Variants in RBFOX1 observed in about 807,000 individuals in gnomAD.
RBFOX1 encodes RNA binding fox-1 homolog 1.
Under a neutral mutation model 57.7 loss-of-function variants are expected in RBFOX1, and 8 were observed. The observed-to-expected ratio is 0.14, with a 90% CI of 0.08 to 0.25. RBFOX1 has a LOEUF of 0.25. Ranked by LOEUF, RBFOX1 falls within the 10% of genes least tolerant of loss-of-function variation. RBFOX1 has a pLI of 1.00. For missense variants in RBFOX1, 611 were observed against 548.5 expected (o/e 1.11, Z -1.14); for synonymous variants, 326 against 222.4 (o/e 1.47, Z -4.15).
intron 3 of RBFOX1, among the ~76,000 whole-genome samples, chr16:6,939,391 G>T (rs963109311): frequency 6.6e-6 from 1 of 151,728 alleles, no homozygotes; most frequent in African/African-American, 2.4e-5. Flanking sequence ...GTATGTGTGT[G>T]TGTGTGTGTG....
chr16:5,336,823 A>G (rs887827461), intron 1 of RBFOX1, among the ~76,000 whole-genome samples: 3 of 152,104 alleles, frequency 2.0e-5, no homozygotes, highest in African/African-American at 4.8e-5. Flanking sequence ...TGGACTTTAA[A>G]TGGTGCTCAT....
At chr16:6,868,940 C>T (rs866261321) in intron 3 of RBFOX1, among the ~76,000 whole-genome samples, 6 of 152,128 alleles carry the variant, frequency 3.9e-5, no homozygotes, top group Admixed American at 6.6e-5. Flanking sequence ...CTAGCCCTTG[C>T]CTTAGAGATT....
intron 3 of RBFOX1, among the ~76,000 whole-genome samples, chr16:6,661,355 G>A (rs79382646): frequency 0.037 from 5,596 of 152,258 alleles, 258 homozygotes; most frequent in East Asian, 0.1. Context: ...ACAAGACGGT[G>A]TAGAGAACAT....
chr16:5,512,735 C>T (rs2043647839), intron 2 of RBFOX1, among the ~76,000 whole-genome samples: 1 of 152,196 alleles, frequency 6.6e-6, no homozygotes, highest in Admixed American at 6.5e-5. Flanking sequence ...ACTCTTGTGA[C>T]ACGTTCGTCA....
At chr16:6,464,505 T>G (rs1471077420) in intron 2 of RBFOX1, among the ~76,000 whole-genome samples, 22 of 152,240 alleles carry the variant, frequency 1.4e-4, no homozygotes, top group Admixed American at 1.4e-3. Flanking sequence ...TAATGCATAC[T>G]AGTAGTGAGC....
intron 8 of RBFOX1, among the ~76,000 whole-genome samples, chr16:7,596,841 C>T (rs1185434086): frequency 2.0e-5 from 3 of 152,086 alleles, no homozygotes; most frequent in African/African-American, 4.8e-5. Context: ...TTAATTCTTG[C>T]GATGTAAAAG....
At chr16:6,140,682 G>A (rs2096709071) in intron 1 of RBFOX1, among the ~76,000 whole-genome samples, 1 of 152,108 alleles carries the variant, frequency 6.6e-6, no homozygotes, top group South Asian at 2.1e-4. Flanking sequence ...TCTCTTACTT[G>A]TCCCCTTTGT....
At chr16:5,729,377 AG>A in intron 3 of RBFOX1, among the ~76,000 whole-genome samples, 1 of 138,534 alleles carries the variant, frequency 7.2e-6, no homozygotes, top group South Asian at 2.6e-4. Context: ...GCACACAGCT[AG>A]CTTTTTTTTT....
chr16:7,482,706 C>T (rs2064309701), intron 4 of RBFOX1, among the ~76,000 whole-genome samples: 1 of 151,858 alleles, frequency 6.6e-6, no homozygotes, highest in South Asian at 2.1e-4. Context: ...CACTTCGAAT[C>T]CACAATGATG....
intron 4 of RBFOX1, among the ~76,000 whole-genome samples, chr16:5,964,014 T>A (rs2059799766): frequency 6.6e-6 from 1 of 152,196 alleles, no homozygotes; most frequent in African/African-American, 2.4e-5. Context: ...TGATAAGTGA[T>A]TAATATCTGT....
intron 14 of RBFOX1, among the ~76,000 whole-genome samples, chr16:7,690,757 T>G (rs1204677505): frequency 6.6e-6 from 1 of 152,122 alleles, no homozygotes; most frequent in African/African-American, 2.4e-5. Flanking sequence ...GCAAATGGCT[T>G]GAGAGAGGGT....
chr16:7,503,581 C>T (rs185587454), intron 4 of RBFOX1, among the ~76,000 whole-genome samples: 308 of 152,264 alleles, frequency 2.0e-3, no homozygotes, highest in African/African-American at 7.1e-3. Flanking sequence ...GTGAATTTGA[C>T]ACTGATGTTA....
chr16:7,584,642 G>A (rs748644357), intron 6 of RBFOX1, among the ~76,000 whole-genome samples: 21 of 152,314 alleles, frequency 1.4e-4, no homozygotes, highest in East Asian at 3.9e-4. Context: ...GATTTGAGGC[G>A]TTGTTGAATG....
At chr16:5,349,191 G>A (rs150066309) in intron 1 of RBFOX1, among the ~76,000 whole-genome samples, 27 of 152,272 alleles carry the variant, frequency 1.8e-4, no homozygotes, top group African/African-American at 3.9e-4. Context: ...ACCAATCACC[G>A]AAGTACAAAT....
At chr16:6,519,057 C>T (rs1196870514) in intron 2 of RBFOX1, among the ~76,000 whole-genome samples, 2 of 151,886 alleles carry the variant, frequency 1.3e-5, no homozygotes, top group African/African-American at 2.4e-5. Context: ...TACTTTCTCC[C>T]TTCTCGGTGA....
At chr16:6,578,612 T>TGTGTGTGTGTGTGTGTGG (rs373655762) in intron 2 of RBFOX1, among the ~76,000 whole-genome samples, 15,770 of 146,988 alleles carry the variant, frequency 0.11, 1,282 homozygotes, top group East Asian at 0.38. Context: ...TGTGTGTGTG[T>TGTGTGTGTGTGTGTGTGG]GAGCATGGGA....
intron 2 of RBFOX1, among the ~76,000 whole-genome samples, chr16:6,505,579 T>C (rs1305619431): frequency 1.3e-5 from 2 of 152,156 alleles, no homozygotes; most frequent in Non-Finnish European, 2.9e-5. Flanking sequence ...GGGTCCTGGC[T>C]TATGTTTGGG....
At chr16:7,426,580 C>A (rs555316595) in intron 4 of RBFOX1, among the ~76,000 whole-genome samples, 1 of 152,104 alleles carries the variant, frequency 6.6e-6, no homozygotes, top group South Asian at 2.1e-4. Flanking sequence ...CAAATAGATG[C>A]GCCAAGGGAG....
chr16:6,699,612 G>C (rs1045415663), intron 3 of RBFOX1, among the ~76,000 whole-genome samples: 2 of 152,128 alleles, frequency 1.3e-5, no homozygotes, highest in South Asian at 4.2e-4. Context: ...CTGTACGACG[G>C]GAAGAGTGTT....
Sources: gnomAD v4.1 joint callset for allele counts (sites outside exome capture counted in the v4.1 genomes callset) on GRCh38, gnomAD v4.1.1 for gene constraint, MANE v1.5 for transcripts, NCBI Gene and HGNC (gene_info 2026-07-23, HGNC 2026-07-21) for gene names.